Variants in EBF2 observed in about 807,000 individuals in gnomAD.
EBF2 encodes the protein EBF transcription factor 2, also known as transcription factor COE2.
A neutral mutation model predicts 72.8 loss-of-function variants in EBF2; 21 were observed. The observed-to-expected ratio is 0.29, with a 90% CI of 0.20 to 0.42. The LOEUF is 0.42. Ranked by LOEUF, EBF2 falls within the 10% of genes least tolerant of loss-of-function variation. The probability of loss-of-function intolerance (pLI) is 1.00; values close to 1 mark genes in which losing one functional copy is unlikely to be tolerated. For synonymous variants in EBF2, 299 were observed against 274.2 expected (o/e 1.09, Z -0.89); for missense variants, 637 against 731.2 (o/e 0.87, Z 1.49).
chr8:25,965,529 T>A (rs1166055316), intron 6 of EBF2, among the ~76,000 whole-genome samples: 1 of 152,188 alleles, frequency 6.6e-6, no homozygotes, highest in Non-Finnish European at 1.5e-5. Context: ...GAAAAGTGAA[T>A]GTAGCAAACG....
chr8:25,873,350 T>C (rs1802472149), intron 10 of EBF2, among the ~76,000 whole-genome samples: 1 of 152,226 alleles, frequency 6.6e-6, no homozygotes, highest in East Asian at 1.9e-4. Flanking sequence ...TCTAAGGCTA[T>C]CACTGATTTG....
intron 6 of EBF2, among the ~76,000 whole-genome samples, chr8:25,958,701 A>G (rs548209588): frequency 1.9e-4 from 29 of 152,222 alleles, no homozygotes; most frequent in Non-Finnish European, 3.5e-4. Flanking sequence ...CCTCCACTCC[A>G]TGCCAGTGAC....
rs550684293 is a variant in EBF2 at position 25,978,159 on chromosome 8, A to G, written c.551+54926T>C. The stretch of plus-strand genomic sequence containing the variant: ...CATTGAATACTGCAGCCCCCTCCCC[A>G]TGTGCTCCGTCTACCCCAAAAGGAA... On this transcript the variant is annotated intron_variant, in intron 6 of 15. Coordinates refer to ENST00000520164, the MANE Select transcript of EBF2 (RefSeq NM_022659.4). Among the ~76,000 whole-genome samples the G allele has an allele frequency of 1.2e-4, 19 of 152,138 alleles. 1 individual carries two copies. Among genetic ancestry groups the G allele is most frequent in the African/African-American group, 4.1e-4 (17 of 41,538 alleles).
At chr8:25,877,263 G>C (rs1802539043) in intron 10 of EBF2, among the ~76,000 whole-genome samples, 1 of 152,162 alleles carries the variant, frequency 6.6e-6, no homozygotes, top group South Asian at 2.1e-4. Flanking sequence ...CCCCTACTAG[G>C]ATTATTTTTC....
At chr8:25,990,811 C>T (rs867762808) in intron 6 of EBF2, among the ~76,000 whole-genome samples, 7 of 152,342 alleles carry the variant, frequency 4.6e-5, no homozygotes, top group South Asian at 2.1e-4. Context: ...ACACGTCTTT[C>T]AGCTCTTCTG....
chr8:25,932,309 G>A (rs1467955622), intron 6 of EBF2, among the ~76,000 whole-genome samples: 1 of 150,160 alleles, frequency 6.7e-6, no homozygotes, highest in African/African-American at 2.5e-5. Context: ...TTTTTAACTA[G>A]GAAAGGAAAC....
intron 6 of EBF2, among the ~76,000 whole-genome samples, chr8:26,017,334 C>T (rs1179411235): frequency 6.6e-6 from 1 of 152,080 alleles, no homozygotes; most frequent in Non-Finnish European, 1.5e-5. Flanking sequence ...GCCTTACAGT[C>T]GGTTTGCCTG....
chr8:25,891,723 G>A (rs1006641937), intron 7 of EBF2, among the ~76,000 whole-genome samples: 3 of 151,904 alleles, frequency 2.0e-5, no homozygotes, highest in Admixed American at 1.3e-4. Flanking sequence ...GATTACAGAT[G>A]CCTGCCACCA....
At chr8:25,992,131 A>G (rs1804554447) in intron 6 of EBF2, among the ~76,000 whole-genome samples, 2 of 151,722 alleles carry the variant, frequency 1.3e-5, no homozygotes, top group African/African-American at 4.8e-5. Context: ...CCCGAGTTCA[A>G]GTGATTCTCC....
rs185963954 is a variant in EBF2 at position 25,878,067 on chromosome 8, C to T, written c.1009+8688G>A. Among the ~76,000 whole-genome samples, 1,047 of 152,234 alleles carry T rather than the reference C, an allele frequency of 6.9e-3. 6 individuals are homozygous for T. Among genetic ancestry groups the T allele is most frequent in the Non-Finnish European group, 0.011 (747 of 68,022 alleles). Reference sequence around the variant, plus strand: ...AAATGAGGCTCAGAGAGGTCAGTGACCGGATGAAAGTACACACAAGCAGTG... The same window carrying T: ...AAATGAGGCTCAGAGAGGTCAGTGATCGGATGAAAGTACACACAAGCAGTG... On this transcript the variant is annotated intron_variant, in intron 10 of 15. Transcript: ENST00000520164.
intron 7 of EBF2, among the ~76,000 whole-genome samples, chr8:25,891,224 C>T (rs1345165813): frequency 6.6e-6 from 1 of 152,032 alleles, no homozygotes; most frequent in Non-Finnish European, 1.5e-5. Context: ...GGGAGAAGCT[C>T]AAAGAGGTGG....
intron 7 of EBF2, among the ~76,000 whole-genome samples, chr8:25,891,691 C>T (rs1247294350): frequency 6.6e-6 from 1 of 151,960 alleles, no homozygotes; most frequent in Non-Finnish European, 1.5e-5. Context: ...AATTCTCCTG[C>T]CTCAGCTTCC....
chr8:26,013,537 A>C (rs1805060835), intron 6 of EBF2, among the ~76,000 whole-genome samples: 1 of 152,114 alleles, frequency 6.6e-6, no homozygotes, highest in Admixed American at 6.5e-5. Flanking sequence ...TTCTCTCCTT[A>C]ATTAAGGCAG....
intron 6 of EBF2, among the ~76,000 whole-genome samples, chr8:25,966,336 T>C (rs1265708148): frequency 6.6e-6 from 1 of 152,188 alleles, no homozygotes; most frequent in African/African-American, 2.4e-5. Context: ...GCAGTTGCAA[T>C]GTATTGCAGG....
intron 13 of EBF2, 56 bp from the exon 14 acceptor site, chr8:25,858,560 A>G: frequency 6.4e-7 from 1 of 1,558,914 alleles, no homozygotes; most frequent in Non-Finnish European, 8.7e-7. Flanking sequence ...GTCAGGCCAC[A>G]TGTGGCTAGC....
intron 4 of EBF2, 114 bp from the exon 5 acceptor site, chr8:26,040,215 A>T: frequency 3.5e-6 from 4 of 1,143,664 alleles, no homozygotes; most frequent in Non-Finnish European, 5.2e-6. Flanking sequence ...CTGCCACCGC[A>T]TTAGGAATTC....
rs1431138331 is a variant in EBF2 at position 25,842,049 on chromosome 8, G to A, written c.*2560C>T. 6.6e-6 allele frequency: 1 copy of A among 152,084 alleles called. No homozygotes were observed. The highest frequency in any genetic ancestry group is 1.9e-4 in the East Asian group (1 of 5,190). The allele number at this position is 152,084 out of a possible 1,614,324, so 9.4% of individuals were successfully genotyped here. On this transcript the variant is annotated 3_prime_UTR_variant, in exon 16 of 16. Transcript: ENST00000520164. ...AATTACAACGCTATAACAAAAGAAA[G>A]ATAAATAATGAAGTAAATTGTCCCT...
chr8:25,859,721 CTTTTT>C, intron 13 of EBF2, among the ~76,000 whole-genome samples: 1 of 142,964 alleles, frequency 7.0e-6, no homozygotes, highest in East Asian at 2.0e-4. Context: ...CCTGTCTAGT[CTTTTT>C]TTTTTTTTGA....
At chr8:25,853,306 T>A (rs1226389744) in intron 14 of EBF2, among the ~76,000 whole-genome samples, 2 of 152,212 alleles carry the variant, frequency 1.3e-5, no homozygotes, top group Admixed American at 1.3e-4. Context: ...TTTAGATATG[T>A]TCATATCCTC....
Sources: allele counts gnomAD v4.1 joint callset (sites outside exome capture counted in the v4.1 genomes callset), GRCh38; gene constraint gnomAD v4.1.1; transcripts MANE v1.5; gene names NCBI Gene and HGNC (gene_info 2026-07-23, HGNC 2026-07-21).